DNAH2: variants seen among roughly 807,000 people sequenced by gnomAD.
DNAH2 encodes the protein axonemal beta dynein heavy chain 2.
DNAH2 carries 323 observed loss-of-function variants against 523.5 expected under a neutral mutation model. The ratio of observed to expected loss-of-function variants is 0.62; its 90% CI spans 0.56 to 0.68. The LOEUF is 0.68. Ranked by LOEUF, DNAH2 falls within the 30% of genes least tolerant of loss-of-function variation. DNAH2 has a pLI of 0.00. For missense variants in DNAH2, 4,907 were observed against 5,701.5 expected, an observed-to-expected ratio of 0.86 and a Z score of 4.49; for synonymous variants, 2,093 against 2,177.4, an observed-to-expected ratio of 0.96 and a Z score of 1.08.
chr17:7,761,642 G>A (rs2076008340), intron 18 of DNAH2, among the ~76,000 whole-genome samples: 1 of 151,870 alleles, frequency 6.6e-6, no homozygotes, highest in South Asian at 2.1e-4. Context: ...TCACCACCAC[G>A]CCTGGCTAAT....
chr17:7,787,817 G>A, intron 42 of DNAH2, 43 bp from the exon 43 acceptor site: 1 of 1,567,818 alleles, frequency 6.4e-7, no homozygotes, highest in African/African-American at 1.4e-5. Flanking sequence ...TGAAGGTGGG[G>A]GATGCAGAGA....
intron 11 of DNAH2, 26 bp downstream of exon 11, chr17:7,741,018 C>T (rs371829194): frequency 2.9e-5 from 45 of 1,578,936 alleles, no homozygotes; most frequent in Non-Finnish European, 3.8e-5. Context: ...TCTCCATATT[C>T]TGTCGTCAGT....
intron 77 of DNAH2, among the ~76,000 whole-genome samples, chr17:7,827,142 A>T (rs1319180545): frequency 6.6e-6 from 1 of 151,864 alleles, no homozygotes; most frequent in Non-Finnish European, 1.5e-5. Context: ...GTAGTTCTTC[A>T]TATATTCCAG....
At chr17:7,817,881 GCCCC>G in intron 67 of DNAH2, 25 bp downstream of exon 67, 1 of 1,611,912 alleles carries the variant, frequency 6.2e-7, no homozygotes, top group South Asian at 1.1e-5. Context: ...GGTCAGGTTA[GCCCC>G]CCCCTTCCTG....
chr17:7,811,242 C>T (rs866653864), intron 63 of DNAH2, among the ~76,000 whole-genome samples: 19 of 152,214 alleles, frequency 1.2e-4, no homozygotes, highest in East Asian at 7.7e-4. Flanking sequence ...AGCATTAAAA[C>T]GCTCCAATAA....
rs1272034676 is a variant in DNAH2 at position 7,831,796 on chromosome 17, A to G, written c.12726+21A>G. ...GAAAGGCAAGATTATACCATTGTTGATCCTTCTCCAACAATGAGCTCCCCT... is the reference window on the plus strand; with the variant it reads ...GAAAGGCAAGATTATACCATTGTTGGTCCTTCTCCAACAATGAGCTCCCCT... On this transcript the variant is annotated intron_variant, in intron 82 of 85. Coordinates refer to ENST00000572933, the MANE Select transcript of DNAH2 (RefSeq NM_020877.5). This position sits in a 1 kb window ranked among gnomAD's most constrained non-coding sequence, Gnocchi z 4.2. The G allele has an allele frequency of 1.9e-6, 3 of 1,593,702 alleles. No individual in the cohort carries two copies. Among genetic ancestry groups the G allele is most frequent in the African/African-American group, 1.3e-5 (1 of 74,424 alleles).
chr17:7,751,569 C>T (rs2075684147), intron 12 of DNAH2, among the ~76,000 whole-genome samples: 1 of 152,082 alleles, frequency 6.6e-6, no homozygotes, highest in African/African-American at 2.4e-5. Flanking sequence ...TTCCTGATGG[C>T]TAGAGCCATC....
intron 14 of DNAH2, 60 bp from the exon 15 acceptor site, chr17:7,758,825 A>G: frequency 6.3e-7 from 1 of 1,598,250 alleles, no homozygotes; most frequent in Non-Finnish European, 8.5e-7. Flanking sequence ...GGAGGGTAGA[A>G]TGAGGTCCAG....
In DNAH2 at chr17:7,759,523, T is replaced by C; in HGVS notation, c.2550T>C (p.Ala850=). The part of the protein sequence containing the change: ...VKWSLLELSK[A]INGDGKTSPN... ...GGTCACTGCTAGAACTATCCAAGGC[T>C]ATCAACGGGGATGGAAAGACCAGCC... The change falls in exon 16 of 86, where the codon GCT becomes GCC. Residue 850 remains alanine, a synonymous_variant. Transcript: ENST00000572933. 1 of 1,614,184 alleles carries C rather than the reference T, an allele frequency of 6.2e-7. No homozygotes were observed. Among genetic ancestry groups the C allele is most frequent in the Non-Finnish European group, 8.5e-7 (1 of 1,180,038 alleles).
Position 7,797,271 on chromosome 17 carries a change from A to C in DNAH2, c.7949+10A>C. On this transcript the variant is annotated intron_variant, in intron 51 of 85. Transcript: ENST00000572933. ...TCCATGAATGTTTCAGGTGACATGC[A>C]TGTGCCCTGGCCAAACGAAGGCTTC... The C allele has an allele frequency of 6.2e-7, 1 of 1,613,964 alleles. No homozygotes were observed. The highest frequency in any genetic ancestry group is 8.5e-7 in the Non-Finnish European group (1 of 1,179,968).
intron 7 of DNAH2, among the ~76,000 whole-genome samples, chr17:7,735,425 T>C (rs1469173979): frequency 6.6e-6 from 1 of 151,802 alleles, no homozygotes; most frequent in Non-Finnish European, 1.5e-5. Context: ...CCACCGCACC[T>C]GGCTCTTTTT....
At chr17:7,731,714 T>C (rs1253835708) in intron 4 of DNAH2, among the ~76,000 whole-genome samples, 2 of 152,142 alleles carry the variant, frequency 1.3e-5, no homozygotes, top group Admixed American at 1.3e-4. Context: ...TTCACAAAAA[T>C]AATAGTTGTT....
chr17:7,783,871 C>CA (rs1052088416), intron 39 of DNAH2, among the ~76,000 whole-genome samples: 11 of 149,582 alleles, frequency 7.4e-5, no homozygotes, highest in Admixed American at 6.7e-4. Flanking sequence ...CTAGGGAAAA[C>CA]AAAAAAAGTT....
rs531114220 is a variant in DNAH2, at chr17:7,820,124, C to T, written c.11015+716C>T. ...ACGCCTGGCAAAAACTGGGAGTTAT[C>T]CTTGACTCTTCCCTTTCAAAGCAGT... is the stretch of plus-strand genomic sequence containing the variant. On this transcript the variant is annotated intron_variant, in intron 72 of 85. Transcript: ENST00000572933. 2.6e-4 allele frequency among the ~76,000 whole-genome samples: 40 copies of T among 152,234 alleles called. 1 individual carries two copies. Among genetic ancestry groups the T allele is most frequent in the Middle Eastern group, 3.4e-3 (1 of 294 alleles).
intron 2 of DNAH2, among the ~76,000 whole-genome samples, chr17:7,722,351 A>G (rs996687947): frequency 4.6e-5 from 7 of 152,100 alleles, no homozygotes; most frequent in African/African-American, 1.7e-4. Flanking sequence ...CACTGACTCT[A>G]AAATTTACCT....
At chr17:7,790,341 G>A (rs937429612) in intron 44 of DNAH2, among the ~76,000 whole-genome samples, 1 of 151,568 alleles carries the variant, frequency 6.6e-6, no homozygotes, top group African/African-American at 2.4e-5. Flanking sequence ...CAATTCTCCT[G>A]TCTCCTGAGT....
intron 22 of DNAH2, 110 bp from the exon 23 acceptor site, chr17:7,767,790 A>G: frequency 1.4e-6 from 2 of 1,427,460 alleles, no homozygotes; most frequent in East Asian, 2.4e-5. Flanking sequence ...AGGCCGCTGT[A>G]TTATCTAGAG....
rs774865357 is a variant in DNAH2 at position 7,778,313 on chromosome 17, G to C, written c.5385G>C (p.Leu1795=). 6.2e-7 allele frequency: 1 copy of C among 1,614,204 alleles called. No homozygotes were observed. Among genetic ancestry groups the C allele is most frequent in the Non-Finnish European group, 8.5e-7 (1 of 1,180,014 alleles). ...TGACACTGACCACGGCATTGCACCT[G>C]CACCGAGGGGGCTCCCCCAAAGGCC... ...CYMTLTTALH[L]HRGGSPKGPA... Residue 1795 remains leucine (L), a synonymous_variant, in exon 35 of 86, where the codon CTG becomes CTC. Transcript: ENST00000572933.
chr17:7,776,988 A>C (rs951465476), intron 32 of DNAH2, 99 bp downstream of exon 32: 2 of 976,586 alleles, frequency 2.0e-6, no homozygotes, highest in African/African-American at 3.2e-5. Flanking sequence ...GTTCGAGACC[A>C]GCCTGGGCAA....
Sources: allele counts gnomAD v4.1 joint callset (sites outside exome capture counted in the v4.1 genomes callset), GRCh38; gene constraint gnomAD v4.1.1; non-coding constraint Gnocchi (gnomAD v3.1); transcripts MANE v1.5; gene names NCBI Gene and HGNC (gene_info 2026-07-23, HGNC 2026-07-21).